Variants in MTMR10 observed in about 807,000 individuals in gnomAD.
MTMR10 encodes myotubularin related protein 10, also known as myotubularin-related protein 10.
Under a neutral mutation model 88.1 loss-of-function variants are expected in MTMR10, and 56 were observed. The observed-to-expected ratio is 0.64, with a 90% CI of 0.51 to 0.79. The LOEUF is 0.79. MTMR10 is among the 30% of genes least tolerant of loss of function. MTMR10 has a pLI of 0.00. For missense variants in MTMR10, 883 were observed against 924.7 expected, an observed-to-expected ratio of 0.95 and a Z score of 0.58; for synonymous variants, 380 against 340.9, an observed-to-expected ratio of 1.11 and a Z score of -1.26.
rs1378020301 is a variant in MTMR10, at chr15:30,960,941, C to T, written c.698G>A (p.Arg233Lys). The change falls in exon 7 of 16, where the codon AGG becomes AAG. Residue 233 changes from arginine to lysine, a missense_variant. Arg to Lys is a conservative substitution (Grantham distance 26). Around this residue, in one of 3 missense-constraint regions of MTMR10, gnomAD observed 414 missense variants for 423.2 expected, o/e 0.98. Transcript: ENST00000435680. ...AACTCTCCACCCGGAAGCACCTGTC[C>T]TCTTGATTTCTCTGTCCCAATCCGA... ...TYSDWDREIK[R>K]TGASGWRVCS... The T allele has an allele frequency of 6.2e-7, 1 of 1,611,840 alleles. No individual in the cohort carries two copies. The highest frequency in any genetic ancestry group is 1.3e-5 in the African/African-American group (1 of 74,892).
At chr15:30,928,909 C>T in the MTMR10 span, 2 of 556,982 alleles carry the variant, frequency 3.6e-6, no homozygotes, top group South Asian at 7.9e-5. Flanking sequence ...CCATCAGCAT[C>T]AGCCCTCCCG....
At position 30,982,420 on chromosome 15, in the gene MTMR10, T is replaced by G. The variant is rs538732526; in HGVS notation, c.122-5465A>C. ...CCTCTTTTGTACAACTCTTACAAAT[T>G]CAAATTCATTCCAAAATAAAACTAC... On this transcript the variant is annotated intron_variant, in intron 2 of 15. Transcript: ENST00000435680. Among the ~76,000 whole-genome samples, 12 of 152,104 alleles carry G rather than the reference T, an allele frequency of 7.9e-5. 1 individual carries two copies. The South Asian group carries it at 2.3e-3, about 29-fold the overall frequency.
chr15:30,924,025 C>T, the MTMR10 span, among the ~76,000 whole-genome samples: 3 of 152,182 alleles, frequency 2.0e-5, no homozygotes, highest in Non-Finnish European at 2.9e-5. Context: ...CTGGCGACGA[C>T]GTCTCATCTA....
chr15:30,965,374 G>A (rs917906890), intron 6 of MTMR10, among the ~76,000 whole-genome samples: 2 of 152,184 alleles, frequency 1.3e-5, no homozygotes, highest in African/African-American at 4.8e-5. Flanking sequence ...TTACATCACA[G>A]CATCTGTAAG....
chr15:30,963,674 T>TAGATAGACAGAC (rs1401363462), intron 6 of MTMR10, among the ~76,000 whole-genome samples: 54 of 148,374 alleles, frequency 3.6e-4, no homozygotes, highest in South Asian at 2.7e-3. Flanking sequence ...GACAGACAGA[T>TAGATAGACAGAC]AGATAGATAG....
chr15:30,979,737 C>G (rs1487728502), intron 2 of MTMR10, among the ~76,000 whole-genome samples: 2 of 152,202 alleles, frequency 1.3e-5, no homozygotes, highest in Non-Finnish European at 2.9e-5. Context: ...CCCTTCTTCT[C>G]TAGAAGCCAG....
intron 14 of MTMR10, 34 bp downstream of exon 14, chr15:30,947,096 G>A: frequency 2.6e-6 from 4 of 1,554,200 alleles, no homozygotes; most frequent in Non-Finnish European, 3.5e-6. Context: ...TGTAAAAACA[G>A]GGAAAACGTA....
the MTMR10 span, among the ~76,000 whole-genome samples, chr15:30,923,678 C>T: frequency 3.3e-5 from 5 of 152,232 alleles, no homozygotes; most frequent in African/African-American, 4.8e-5. Flanking sequence ...GCCAGGCTGC[C>T]GCTGCCCGGC....
chr15:30,976,275 ACCTGTAGTCCCAG>A (rs2030144151), intron 3 of MTMR10, among the ~76,000 whole-genome samples: 1 of 151,866 alleles, frequency 6.6e-6, no homozygotes, highest in Non-Finnish European at 1.5e-5. Flanking sequence ...GGTGGCATGC[ACCTGTAGTCCCAG>A]CTACTCAGGA....
At chr15:30,936,709 A>G (rs541572110), downstream of MTMR10, among the ~76,000 whole-genome samples, 1 of 152,356 alleles carries the variant, frequency 6.6e-6, no homozygotes, top group African/African-American at 2.4e-5. Context: ...CTCATAGCTT[A>G]GCTTAGCCTA....
At position 30,967,862 on chromosome 15, in the gene MTMR10, T is replaced by TA. The variant is rs1049055884; in HGVS notation, c.565+57dup. The TA allele has an allele frequency of 3.6e-6, 5 of 1,388,566 alleles. No individual in the cohort carries two copies. In the African/African-American group the frequency reaches 7.3e-5, roughly 20 times the overall value. 86.0% of individuals were successfully genotyped at this position (1,388,566 alleles called of 1,614,324 possible). ...TGTACTTGGAGGCTTCCGGTAAACA[T>TA]AAGAGTAAAATTTACACATGTAAAA... is the stretch of plus-strand genomic sequence containing the variant. On this transcript the variant is annotated intron_variant, in intron 6 of 15. Transcript: ENST00000435680.
At chr15:30,982,045 T>C (rs2030613877) in intron 2 of MTMR10, among the ~76,000 whole-genome samples, 1 of 148,988 alleles carries the variant, frequency 6.7e-6, no homozygotes, top group Admixed American at 6.8e-5. Flanking sequence ...CACTCCAGCC[T>C]GGGTGACAGA....
In MTMR10 at chr15:30,940,386, G is replaced by A. The variant is rs562710608; in HGVS notation, c.*1084C>T. ...GGAGCACTTCTGTCGCTATTCAAAT[G>A]GCAGTGTTTTGAGAGAATCCATTTT... On this transcript the variant is annotated 3_prime_UTR_variant, in exon 16 of 16. Coordinates refer to ENST00000435680, the MANE Select transcript of MTMR10 (RefSeq NM_017762.3). 6 of 985,390 alleles carry A rather than the reference G, an allele frequency of 6.1e-6. No homozygotes were observed. The highest frequency in any genetic ancestry group is 1.7e-5 in the African/African-American group (1 of 57,342). 61.0% of individuals were successfully genotyped at this position (985,390 alleles called of 1,614,324 possible).
chr15:30,984,294 AG>A (rs1160346524), intron 2 of MTMR10, among the ~76,000 whole-genome samples: 1 of 152,204 alleles, frequency 6.6e-6, no homozygotes, highest in East Asian at 1.9e-4. Context: ...CAAAAGCCTA[AG>A]GAATGGACAG....
downstream of MTMR10, among the ~76,000 whole-genome samples, chr15:30,934,855 T>G (rs770586992): frequency 2.0e-5 from 3 of 152,230 alleles, no homozygotes; most frequent in South Asian, 2.1e-4. Flanking sequence ...CCTTCCAGCC[T>G]TTGTGGTGTT....
chr15:30,982,455 A>G (rs1340646049), intron 2 of MTMR10, among the ~76,000 whole-genome samples: 1 of 152,194 alleles, frequency 6.6e-6, no homozygotes, highest in Non-Finnish European at 1.5e-5. Flanking sequence ...CTAAAGAAGA[A>G]AATAAACAAG....
chr15:30,991,423 C>G, intron 1 of MTMR10, 24 bp downstream of exon 1: 1 of 1,466,876 alleles, frequency 6.8e-7, no homozygotes, highest in Non-Finnish European at 9.0e-7. Flanking sequence ...GAGAGTCGGG[C>G]GCTCGCGGGG....
the MTMR10 span, chr15:30,930,402 A>G: frequency 4.3e-5 from 40 of 935,322 alleles, no homozygotes; most frequent in Non-Finnish European, 5.4e-5. Flanking sequence ...TACAAGCAGC[A>G]GAACAGCGCA....
intron 10 of MTMR10, among the ~76,000 whole-genome samples, chr15:30,953,932 CT>C (rs2063285702): frequency 6.6e-6 from 1 of 152,228 alleles, no homozygotes; most frequent in African/African-American, 2.4e-5. Context: ...CAGCCTATGC[CT>C]TGATCCTGGC....
Sources: gnomAD v4.1 joint callset for allele counts (sites outside exome capture counted in the v4.1 genomes callset) on GRCh38, gnomAD v4.1.1 for gene constraint, gnomAD v4.1.1 regional missense constraint, MANE v1.5 for transcripts, NCBI Gene and HGNC (gene_info 2026-07-23, HGNC 2026-07-21) for gene names.